Variants in KIAA1328 observed in about 807,000 individuals in gnomAD.
KIAA1328 encodes the protein protein hinderin.
KIAA1328 carries 52 observed loss-of-function variants against 68.1 expected under a neutral mutation model. The observed-to-expected ratio is 0.76, with a 90% CI of 0.61 to 0.96. KIAA1328 has a LOEUF of 0.96. Ranked by LOEUF, KIAA1328 falls within the 40% of genes least tolerant of loss-of-function variation. The pLI is 0.00. For synonymous variants in KIAA1328, 232 were observed against 239.4 expected (o/e 0.97, Z 0.28); for missense variants, 641 against 677.6 (o/e 0.95, Z 0.60).
In KIAA1328 at chr18:37,222,921, A is replaced by T; in HGVS notation, c.*694A>T. 1.0e-6 allele frequency: 1 copy of T among 985,620 alleles called. No individual in the cohort carries two copies. Among genetic ancestry groups the T allele is most frequent in the Non-Finnish European group, 1.2e-6 (1 of 830,168 alleles). The allele number at this position is 985,620 out of a possible 1,614,324, so 61.1% of individuals were successfully genotyped here. ...ATCAGGGAGTGATTAGTCCTGGGGAAATTCAGTGGAGGCACAAGCCTGAAG... is the reference window on the plus strand; with the variant it reads ...ATCAGGGAGTGATTAGTCCTGGGGATATTCAGTGGAGGCACAAGCCTGAAG... On this transcript the variant is annotated 3_prime_UTR_variant, in exon 10 of 10. Transcript: ENST00000280020.
chr18:37,050,971 C>A (rs961707098), intron 6 of KIAA1328, among the ~76,000 whole-genome samples: 2 of 152,076 alleles, frequency 1.3e-5, no homozygotes, highest in Non-Finnish European at 2.9e-5. Flanking sequence ...CAAACCCAAC[C>A]CTCTCTTTTA....
chr18:37,142,868 T>C (rs2058799297), intron 7 of KIAA1328, among the ~76,000 whole-genome samples: 1 of 152,090 alleles, frequency 6.6e-6, no homozygotes, highest in Non-Finnish European at 1.5e-5. Context: ...TCAATCAATT[T>C]GGGGAGAACT....
intron 6 of KIAA1328, among the ~76,000 whole-genome samples, chr18:37,054,562 CAA>C (rs1263624647): frequency 1.3e-5 from 2 of 152,112 alleles, no homozygotes; most frequent in African/African-American, 2.4e-5. Flanking sequence ...AACACAGAAA[CAA>C]AAAGTCAAAT....
chr18:36,992,465 T>C (rs1173943867), intron 6 of KIAA1328, among the ~76,000 whole-genome samples: 1 of 21,234 alleles, frequency 4.7e-5, no homozygotes, highest in African/African-American at 6.8e-5. Flanking sequence ...TTTTTTTTTT[T>C]TTTTTTTTTT....
intron 7 of KIAA1328, among the ~76,000 whole-genome samples, chr18:37,158,074 C>A (rs2059195146): frequency 6.6e-6 from 1 of 151,370 alleles, no homozygotes; most frequent in African/African-American, 2.4e-5. Context: ...TCACTGTCTC[C>A]CAGGCTGGAG....
chr18:37,057,611 A>G (rs1005942357), intron 6 of KIAA1328, among the ~76,000 whole-genome samples: 1 of 142,924 alleles, frequency 7.0e-6, no homozygotes, highest in Non-Finnish European at 1.5e-5. Flanking sequence ...TTTTTTTTGT[A>G]TTTTTAGTAG....
At chr18:36,984,777 A>G (rs1298932240) in intron 6 of KIAA1328, among the ~76,000 whole-genome samples, 1 of 151,800 alleles carries the variant, frequency 6.6e-6, no homozygotes, top group Non-Finnish European at 1.5e-5. Flanking sequence ...GTGATGGTGC[A>G]TGCCCGTAGT....
intron 9 of KIAA1328, among the ~76,000 whole-genome samples, chr18:37,218,685 A>G (rs887640070): frequency 1.3e-5 from 2 of 152,136 alleles, no homozygotes; most frequent in African/African-American, 2.4e-5. Context: ...GGTCTTCTCT[A>G]CACTGTTTAT....
chr18:36,893,628 T>C (rs556173431), intron 5 of KIAA1328, among the ~76,000 whole-genome samples: 7 of 152,164 alleles, frequency 4.6e-5, no homozygotes, highest in Non-Finnish European at 1.0e-4. Flanking sequence ...AATAGAACTT[T>C]TCTTATATGA....
intron 9 of KIAA1328, among the ~76,000 whole-genome samples, chr18:37,187,229 C>T (rs572742789): frequency 2.6e-5 from 4 of 151,602 alleles, no homozygotes; most frequent in African/African-American, 4.9e-5. Flanking sequence ...AAATGATCAA[C>T]TTGGCTGGAA....
chr18:37,043,273 CT>C (rs146642400), intron 6 of KIAA1328, among the ~76,000 whole-genome samples: 5,727 of 152,166 alleles, frequency 0.038, 160 homozygotes, highest in Non-Finnish European at 0.056. Context: ...TATTGATTGG[CT>C]TTTTTTCCCC....
chr18:37,107,291 C>T (rs914041820), intron 7 of KIAA1328, among the ~76,000 whole-genome samples: 7 of 152,108 alleles, frequency 4.6e-5, no homozygotes, highest in African/African-American at 1.7e-4. Flanking sequence ...TTATCAGAAT[C>T]CCTTTCTGTA....
intron 6 of KIAA1328, among the ~76,000 whole-genome samples, chr18:37,027,784 A>G (rs1156264039): frequency 2.0e-5 from 3 of 151,978 alleles, no homozygotes; most frequent in Admixed American, 1.3e-4. Flanking sequence ...AACCTAGGCA[A>G]TACCATTCAG....
At chr18:36,867,759 G>C in intron 4 of KIAA1328, among the ~76,000 whole-genome samples, 1 of 152,100 alleles carries the variant, frequency 6.6e-6, no homozygotes, top group Non-Finnish European at 1.5e-5. Flanking sequence ...GTGAATAAAA[G>C]ATATAAATAA....
intron 4 of KIAA1328, among the ~76,000 whole-genome samples, chr18:36,850,431 T>G (rs891050061): frequency 2.0e-5 from 3 of 152,110 alleles, no homozygotes; most frequent in African/African-American, 7.2e-5. Context: ...GTAGTCTCCC[T>G]TATCAGGGAA....
chr18:36,829,414 C>G, intron 1 of KIAA1328: 1 of 1,338,828 alleles, frequency 7.5e-7, no homozygotes, highest in Middle Eastern at 2.8e-4. Context: ...GGACACGGCT[C>G]AGATGCTTCC....
At chr18:36,934,142 C>T (rs980025388) in intron 5 of KIAA1328, among the ~76,000 whole-genome samples, 2 of 152,062 alleles carry the variant, frequency 1.3e-5, no homozygotes, top group Admixed American at 1.3e-4. Context: ...CTTCACTCAC[C>T]GCTTAGGAGC....
intron 9 of KIAA1328, among the ~76,000 whole-genome samples, chr18:37,203,277 G>T (rs2060148686): frequency 6.6e-6 from 1 of 151,804 alleles, no homozygotes. Flanking sequence ...ACCTTTTATA[G>T]TTTTTTCCAT....
At chr18:37,173,502 A>G (rs1599505033) in intron 9 of KIAA1328, among the ~76,000 whole-genome samples, 3 of 152,234 alleles carry the variant, frequency 2.0e-5, no homozygotes, top group African/African-American at 7.2e-5. Flanking sequence ...TTGAAGGGTT[A>G]AGCATTTGAT....
Sources: gnomAD v4.1 joint callset for allele counts (sites outside exome capture counted in the v4.1 genomes callset) on GRCh38, gnomAD v4.1.1 for gene constraint, MANE v1.5 for transcripts, NCBI Gene and HGNC (gene_info 2026-07-23, HGNC 2026-07-21) for gene names.